Variants in PLXDC2 observed in about 807,000 individuals in gnomAD.
PLXDC2 encodes the protein plexin domain containing 2.
Under a neutral mutation model 68.9 loss-of-function variants are expected in PLXDC2, and 40 were observed. That is an observed-to-expected ratio of 0.58 (90% CI 0.45 to 0.76). The LOEUF is 0.76. PLXDC2 is among the 30% of genes least tolerant of loss of function. PLXDC2 has a pLI of 0.00. For synonymous variants in PLXDC2, 243 were observed against 234.2 expected (o/e 1.04, Z -0.34); for missense variants, 644 against 661.9 (o/e 0.97, Z 0.30).
At chr10:19,870,634 C>A (rs1447522627) in intron 1 of PLXDC2, among the ~76,000 whole-genome samples, 1 of 152,078 alleles carries the variant, frequency 6.6e-6, no homozygotes, top group Non-Finnish European at 1.5e-5. Context: ...CCATGTTGGC[C>A]AGGCTGGTCT....
intron 9 of PLXDC2, among the ~76,000 whole-genome samples, chr10:20,198,096 C>T (rs1349442219): frequency 6.6e-6 from 1 of 152,058 alleles, no homozygotes; most frequent in Non-Finnish European, 1.5e-5. Flanking sequence ...AAGAATACTC[C>T]TTGATCAGAG....
At chr10:20,118,598 C>G (rs1261161235) in intron 4 of PLXDC2, among the ~76,000 whole-genome samples, 1 of 152,104 alleles carries the variant, frequency 6.6e-6, no homozygotes, top group Non-Finnish European at 1.5e-5. Flanking sequence ...TTCTTTAATC[C>G]AAAACCGGTC....
intron 13 of PLXDC2, among the ~76,000 whole-genome samples, chr10:20,261,545 C>A (rs949522246): frequency 3.9e-5 from 6 of 152,090 alleles, no homozygotes; most frequent in Admixed American, 3.3e-4. Context: ...GAATCTCATG[C>A]AAAAATACTA....
intron 4 of PLXDC2, among the ~76,000 whole-genome samples, chr10:20,110,681 C>T (rs1186995860): frequency 3.3e-5 from 5 of 152,162 alleles, no homozygotes; most frequent in African/African-American, 9.7e-5. Context: ...CCACACTGTT[C>T]CTCCCGGCAG....
intron 1 of PLXDC2, among the ~76,000 whole-genome samples, chr10:19,976,527 T>C (rs1834459095): frequency 6.6e-6 from 1 of 152,136 alleles, no homozygotes; most frequent in South Asian, 2.1e-4. Flanking sequence ...GTCATTTTAA[T>C]CTTTGGTGTG....
At chr10:19,869,487 T>TGGGA (rs1837492763) in intron 1 of PLXDC2, among the ~76,000 whole-genome samples, 2 of 26,224 alleles carry the variant, frequency 7.6e-5, no homozygotes, top group East Asian at 2.7e-3. Context: ...GGGGAGAGGG[T>TGGGA]GGGAGGGAGG....
intron 9 of PLXDC2, among the ~76,000 whole-genome samples, chr10:20,200,241 A>C (rs1834898720): frequency 6.6e-6 from 1 of 152,058 alleles, no homozygotes; most frequent in African/African-American, 2.4e-5. Flanking sequence ...CTTTAACAAA[A>C]AGAACAGCCC....
intron 9 of PLXDC2, among the ~76,000 whole-genome samples, chr10:20,197,018 G>A (rs1834849116): frequency 6.6e-6 from 1 of 151,928 alleles, no homozygotes; most frequent in Admixed American, 6.6e-5. Flanking sequence ...GATGCAATGT[G>A]CTCCCAAATT....
chr10:19,933,399 G>A (rs933909290), intron 1 of PLXDC2, among the ~76,000 whole-genome samples: 2 of 152,094 alleles, frequency 1.3e-5, no homozygotes, highest in African/African-American at 4.8e-5. Flanking sequence ...ACGTTGGGAG[G>A]CTGAGGTGGG....
At position 20,287,973 on chromosome 10, in the gene PLXDC2, T is replaced by G. The variant is rs1244844086; in HGVS notation, c.*8154T>G. On this transcript the variant is annotated 3_prime_UTR_variant, in exon 14 of 14. Transcript: ENST00000377252. Reference sequence around the variant, plus strand: ...GAAAAGAGAAGAAATTGGGCACTTCTTGCGGCGGGGGAGGGGGGGGGGGCG... The same window carrying G: ...GAAAAGAGAAGAAATTGGGCACTTCGTGCGGCGGGGGAGGGGGGGGGGGCG... 1 of 3,916 alleles carries G rather than the reference T, an allele frequency of 2.6e-4. No individual in the cohort carries two copies. The highest frequency in any genetic ancestry group is 4.7e-4 in the Non-Finnish European group (1 of 2,134). 0.2% of individuals were successfully genotyped at this position (3,916 alleles called of 1,614,324 possible). A position where few individuals can be genotyped will look rare whatever the true frequency, so the allele number is the denominator to read the frequency against.
At chr10:19,854,122 T>C (rs1307445317) in intron 1 of PLXDC2, among the ~76,000 whole-genome samples, 1 of 152,152 alleles carries the variant, frequency 6.6e-6, no homozygotes, top group Non-Finnish European at 1.5e-5. Flanking sequence ...ACTGGGTGTC[T>C]TACATGTGCT....
chr10:20,244,117 C>T (rs1322340954), intron 12 of PLXDC2, among the ~76,000 whole-genome samples: 4 of 151,920 alleles, frequency 2.6e-5, no homozygotes, highest in African/African-American at 9.7e-5. Flanking sequence ...TTGAGAACCA[C>T]TGTTCTGAAA....
chr10:19,896,282 C>A (rs558391496), intron 1 of PLXDC2, among the ~76,000 whole-genome samples: 1 of 152,338 alleles, frequency 6.6e-6, no homozygotes, highest in African/African-American at 2.4e-5. Flanking sequence ...CACATTCTGG[C>A]AAACCATGGT....
At chr10:19,824,744 G>A (rs1394887200) in intron 1 of PLXDC2, among the ~76,000 whole-genome samples, 1 of 152,182 alleles carries the variant, frequency 6.6e-6, no homozygotes, top group African/African-American at 2.4e-5. Context: ...GCTGACAAAA[G>A]ATGAGAATAT....
chr10:19,930,930 C>T (rs1833619842), intron 1 of PLXDC2, among the ~76,000 whole-genome samples: 1 of 152,014 alleles, frequency 6.6e-6, no homozygotes. Context: ...CACCACTGCA[C>T]TCCAGCCTGG....
intron 1 of PLXDC2, among the ~76,000 whole-genome samples, chr10:19,968,365 T>A (rs943154936): frequency 6.6e-6 from 1 of 152,172 alleles, no homozygotes; most frequent in African/African-American, 2.4e-5. Context: ...CAGGCTGGAG[T>A]GCAGTGGCAC....
At chr10:20,183,053 A>AT (rs1376632336) in intron 9 of PLXDC2, among the ~76,000 whole-genome samples, 2 of 151,988 alleles carry the variant, frequency 1.3e-5, no homozygotes, top group East Asian at 3.9e-4. Context: ...AACTTGGTGG[A>AT]TTTTGGCACT....
chr10:20,057,447 A>ATAC (rs1836018732), intron 3 of PLXDC2, among the ~76,000 whole-genome samples: 1 of 152,132 alleles, frequency 6.6e-6, no homozygotes, highest in African/African-American at 2.4e-5. Context: ...CGTATCACTT[A>ATAC]GGTGATGGAT....
At chr10:20,003,278 C>T (rs1265262151) in intron 2 of PLXDC2, among the ~76,000 whole-genome samples, 5 of 152,260 alleles carry the variant, frequency 3.3e-5, no homozygotes, top group African/African-American at 4.8e-5. Context: ...TGCTCAGGCA[C>T]GGCTTCGGCT....
Sources: allele counts gnomAD v4.1 joint callset (sites outside exome capture counted in the v4.1 genomes callset), GRCh38; gene constraint gnomAD v4.1.1; transcripts MANE v1.5; gene names NCBI Gene and HGNC (gene_info 2026-07-23, HGNC 2026-07-21).